CTNNA3: variants seen among roughly 807,000 people sequenced by gnomAD.
CTNNA3 encodes the protein catenin alpha 3, also known as catenin alpha-3.
In CTNNA3, 76 loss-of-function variants were observed where a neutral mutation model predicts 95.7. The ratio of observed to expected loss-of-function variants is 0.79; its 90% CI spans 0.66 to 0.96. CTNNA3 has a LOEUF of 0.96. CTNNA3 is among the 40% of genes least tolerant of loss of function. The pLI, the probability that CTNNA3 is intolerant of heterozygous loss-of-function variation, is 0.00. For synonymous variants in CTNNA3, 431 were observed against 374.4 expected (o/e 1.15, Z -1.74); for missense variants, 1,191 against 1,089.8 (o/e 1.09, Z -1.31).
At chr10:66,552,079 A>G (rs1263373912) in intron 10 of CTNNA3, among the ~76,000 whole-genome samples, 1 of 151,024 alleles carries the variant, frequency 6.6e-6, no homozygotes, top group East Asian at 2.0e-4. Context: ...AATTTTTTGT[A>G]TTTTTAGGAG....
intron 13 of CTNNA3, among the ~76,000 whole-genome samples, chr10:66,228,220 TG>T (rs1479439511): frequency 1.3e-5 from 2 of 152,116 alleles, no homozygotes; most frequent in East Asian, 3.8e-4. Context: ...AAGTTGGGTT[TG>T]GTTTGTTCTT....
intron 10 of CTNNA3, among the ~76,000 whole-genome samples, chr10:66,546,478 T>C (rs1324825701): frequency 1.3e-5 from 2 of 152,192 alleles, no homozygotes; most frequent in African/African-American, 4.8e-5. Context: ...CATACTGGTA[T>C]AAATAACTGC....
At chr10:66,754,687 G>A (rs1174933214) in intron 9 of CTNNA3, among the ~76,000 whole-genome samples, 1 of 152,092 alleles carries the variant, frequency 6.6e-6, no homozygotes, top group African/African-American at 2.4e-5. Context: ...CTATTAAAAA[G>A]GTATACAGAT....
At chr10:66,583,310 TG>T (rs1843254132) in intron 10 of CTNNA3, among the ~76,000 whole-genome samples, 1 of 151,078 alleles carries the variant, frequency 6.6e-6, no homozygotes, top group African/African-American at 2.4e-5. Context: ...TTGTTGTTGT[TG>T]TTGTTGTTGT....
chr10:67,243,478 T>C (rs1234528387), intron 5 of CTNNA3, among the ~76,000 whole-genome samples: 1 of 152,198 alleles, frequency 6.6e-6, no homozygotes, highest in Admixed American at 6.5e-5. Flanking sequence ...CTTTTCTCTG[T>C]CATACCATCA....
intron 5 of CTNNA3, among the ~76,000 whole-genome samples, chr10:67,251,704 C>T (rs1261265099): frequency 2.6e-5 from 4 of 152,188 alleles, no homozygotes; most frequent in Non-Finnish European, 2.9e-5. Context: ...GGCCAGGTCA[C>T]GTTTGTCAAC....
chr10:66,139,038 T>C lies in CTNNA3; in HGVS notation c.1885-35789A>G, dbSNP rs74959224. Among the ~76,000 whole-genome samples the C allele has an allele frequency of 8.2e-3, 1,251 of 152,296 alleles. 46 individuals are homozygous for C. The highest frequency in any genetic ancestry group is 0.064 in the Admixed American group (973 of 15,292). On this transcript the variant is annotated intron_variant, in intron 13 of 17. Coordinates refer to ENST00000433211, the MANE Select transcript of CTNNA3 (RefSeq NM_013266.4). ...GTTTCCCCCAGGCTTTCTGGTCATG[T>C]TGTTTGCCTCTGCCCTGTGTGATTT...
intron 9 of CTNNA3, among the ~76,000 whole-genome samples, chr10:66,716,192 G>T (rs745934491): frequency 6.6e-6 from 1 of 151,914 alleles, no homozygotes; most frequent in Non-Finnish European, 1.5e-5. Context: ...TATACTTATC[G>T]TGTACAAATG....
intron 13 of CTNNA3, among the ~76,000 whole-genome samples, chr10:66,182,880 C>T (rs770288804): frequency 1.3e-5 from 2 of 152,124 alleles, no homozygotes; most frequent in Non-Finnish European, 2.9e-5. Context: ...CAAACTTACC[C>T]TGAGTCAAAA....
intron 7 of CTNNA3, among the ~76,000 whole-genome samples, chr10:66,921,693 A>T (rs1037062399): frequency 3.9e-5 from 6 of 152,026 alleles, no homozygotes; most frequent in Non-Finnish European, 7.4e-5. Context: ...TCCTATTTAA[A>T]ACTCAGCCCA....
chr10:67,198,129 C>G (rs1166407887), intron 6 of CTNNA3, among the ~76,000 whole-genome samples: 1 of 151,936 alleles, frequency 6.6e-6, no homozygotes, highest in Non-Finnish European at 1.5e-5. Context: ...ATTGAAAAGC[C>G]ACATGTGAGT....
chr10:67,667,019 T>C (rs1406645626), intron 1 of CTNNA3, among the ~76,000 whole-genome samples: 1 of 152,062 alleles, frequency 6.6e-6, no homozygotes, highest in Non-Finnish European at 1.5e-5. Context: ...CATTAGAAAA[T>C]CGAAAACAAA....
At chr10:66,036,193 T>G (rs533066795) in intron 15 of CTNNA3, among the ~76,000 whole-genome samples, 1 of 152,304 alleles carries the variant, frequency 6.6e-6, no homozygotes, top group South Asian at 2.1e-4. Flanking sequence ...CTTCTCCAGT[T>G]AATAGTGAAT....
intron 15 of CTNNA3, among the ~76,000 whole-genome samples, chr10:66,033,755 T>C (rs1188225425): frequency 1.3e-5 from 2 of 152,190 alleles, no homozygotes; most frequent in African/African-American, 4.8e-5. Context: ...TAAGGCTGGA[T>C]TTTCTATAAC....
chr10:67,201,983 A>AT (rs1247835310), intron 6 of CTNNA3, among the ~76,000 whole-genome samples: 1 of 152,200 alleles, frequency 6.6e-6, no homozygotes, highest in Non-Finnish European at 1.5e-5. Context: ...AACATAAGAC[A>AT]TTTTTGCCAT....
chr10:66,524,628 T>C (rs1383720725), intron 10 of CTNNA3, among the ~76,000 whole-genome samples: 1 of 152,154 alleles, frequency 6.6e-6, no homozygotes, highest in South Asian at 2.1e-4. Flanking sequence ...TGAAAGTTTC[T>C]GTAAAGAGCA....
intron 9 of CTNNA3, among the ~76,000 whole-genome samples, chr10:66,652,171 TAAATG>T (rs1845933823): frequency 8.9e-6 from 1 of 112,352 alleles, no homozygotes; most frequent in African/African-American, 3.1e-5. Flanking sequence ...AGAGCAGAAA[TAAATG>T]AAATAGTGAC....
At chr10:66,453,434 C>G (rs75926252) in intron 11 of CTNNA3, among the ~76,000 whole-genome samples, 9,406 of 152,240 alleles carry the variant, frequency 0.062, 584 homozygotes, top group East Asian at 0.23. Flanking sequence ...CTTAGCAGAA[C>G]CAGGTAACTA....
At chr10:67,527,044 G>C (rs1389117730) in intron 4 of CTNNA3, among the ~76,000 whole-genome samples, 8 of 152,132 alleles carry the variant, frequency 5.3e-5, no homozygotes, top group Admixed American at 4.6e-4. Context: ...ATCAATTGAG[G>C]TCAGGAGTTC....
Sources: gnomAD v4.1 joint callset for allele counts (sites outside exome capture counted in the v4.1 genomes callset) on GRCh38, gnomAD v4.1.1 for gene constraint, MANE v1.5 for transcripts, NCBI Gene and HGNC (gene_info 2026-07-23, HGNC 2026-07-21) for gene names.